LRRTM4: variants seen among roughly 807,000 people sequenced by gnomAD.
LRRTM4 encodes the protein leucine-rich repeat transmembrane neuronal protein 4.
Under a neutral mutation model 47.6 loss-of-function variants are expected in LRRTM4, and 25 were observed. The ratio of observed to expected loss-of-function variants is 0.53; its 90% confidence interval spans 0.38 to 0.73. The LOEUF is 0.73. Among genes scored for constraint, LRRTM4 ranks in the 30% least tolerant of loss-of-function variants. The probability of loss-of-function intolerance (pLI) is 0.00; values close to 1 mark genes in which losing one functional copy is unlikely to be tolerated. For missense variants in LRRTM4, 638 were observed against 713.4 expected, an observed-to-expected ratio of 0.89 and a Z score of 1.20; for synonymous variants, 311 against 269.5, an observed-to-expected ratio of 1.15 and a Z score of -1.51.
Position 76,748,595 on chromosome 2 carries a change from G to A in LRRTM4, c.*100C>T. ...CCATAAATGTTTTAACAGGAACGATGAGCTTGCTCGATTGCGCGATTGTGG... is the reference window on the plus strand; with the variant it reads ...CCATAAATGTTTTAACAGGAACGATAAGCTTGCTCGATTGCGCGATTGTGG... On this transcript the variant is annotated 3_prime_UTR_variant, in exon 4 of 4. Coordinates refer to ENST00000409884, the MANE Select transcript of LRRTM4 (RefSeq NM_001134745.3). The A allele has an allele frequency of 1.1e-6, 1 of 926,140 alleles. No individual in the cohort carries two copies. The highest frequency in any genetic ancestry group is 1.7e-6 in the Non-Finnish European group (1 of 596,702). 57.4% of individuals were successfully genotyped at this position (926,140 alleles called of 1,614,324 possible).
chr2:77,478,319 C>G (rs967523013), intron 3 of LRRTM4, among the ~76,000 whole-genome samples: 6 of 152,124 alleles, frequency 3.9e-5, no homozygotes, highest in Non-Finnish European at 8.8e-5. Flanking sequence ...TAATTTATCC[C>G]TACACCTAAG....
chr2:77,276,651 A>T (rs1317774242), intron 3 of LRRTM4, among the ~76,000 whole-genome samples: 1 of 139,976 alleles, frequency 7.1e-6, no homozygotes, highest in Non-Finnish European at 1.5e-5. Context: ...TCAATAGAAG[A>T]TCAGTAAATG....
intron 3 of LRRTM4, among the ~76,000 whole-genome samples, chr2:76,912,682 G>T (rs1172747834): frequency 6.6e-6 from 1 of 152,156 alleles, no homozygotes; most frequent in Non-Finnish European, 1.5e-5. Flanking sequence ...TGGAGGTGTT[G>T]ACCGGTGGGA....
At chr2:77,316,609 G>A (rs937036389) in intron 3 of LRRTM4, among the ~76,000 whole-genome samples, 4 of 151,070 alleles carry the variant, frequency 2.6e-5, no homozygotes, top group Admixed American at 6.6e-5. Flanking sequence ...AGTGCAGTGC[G>A]TATCCCCAGC....
intron 3 of LRRTM4, among the ~76,000 whole-genome samples, chr2:77,003,769 T>C (rs968725633): frequency 6.6e-6 from 1 of 151,980 alleles, no homozygotes; most frequent in Non-Finnish European, 1.5e-5. Flanking sequence ...ACTTTGGAAC[T>C]GGGCAACAGG....
At chr2:76,933,171 C>T (rs1453491984) in intron 3 of LRRTM4, among the ~76,000 whole-genome samples, 1 of 151,908 alleles carries the variant, frequency 6.6e-6, no homozygotes, top group Non-Finnish European at 1.5e-5. Flanking sequence ...ATGTGAAATG[C>T]CATCAATTCC....
chr2:77,481,557 C>A (rs1051013619), intron 3 of LRRTM4, among the ~76,000 whole-genome samples: 2 of 152,092 alleles, frequency 1.3e-5, no homozygotes, highest in African/African-American at 4.8e-5. Flanking sequence ...GTCTGATCAT[C>A]CTTTACAAAA....
chr2:77,189,742 A>T (rs1471389183), intron 3 of LRRTM4, among the ~76,000 whole-genome samples: 1 of 151,092 alleles, frequency 6.6e-6, no homozygotes, highest in African/African-American at 2.5e-5. Context: ...TTTATACTTT[A>T]TATATACTTT....
At chr2:76,883,334 G>T (rs954991449) in intron 3 of LRRTM4, among the ~76,000 whole-genome samples, 1 of 152,144 alleles carries the variant, frequency 6.6e-6, no homozygotes, top group Non-Finnish European at 1.5e-5. Context: ...GTAACAATAT[G>T]CTTAACACAT....
At chr2:77,023,079 C>T (rs918912861) in intron 3 of LRRTM4, among the ~76,000 whole-genome samples, 6 of 152,254 alleles carry the variant, frequency 3.9e-5, no homozygotes, top group African/African-American at 1.2e-4. Context: ...GGTTCCCTAA[C>T]CCCAATTCTT....
chr2:77,381,603 C>T (rs1673054004), intron 3 of LRRTM4, among the ~76,000 whole-genome samples: 1 of 151,908 alleles, frequency 6.6e-6, no homozygotes, highest in African/African-American at 2.4e-5. Context: ...CATTTATCTT[C>T]ATATGATGAA....
At chr2:77,028,463 G>A (rs758996943) in intron 3 of LRRTM4, among the ~76,000 whole-genome samples, 1 of 152,066 alleles carries the variant, frequency 6.6e-6, no homozygotes, top group Non-Finnish European at 1.5e-5. Flanking sequence ...TATAAAAAGG[G>A]ACTATTCATG....
At chr2:76,919,185 G>A (rs1674352069) in intron 3 of LRRTM4, among the ~76,000 whole-genome samples, 1 of 152,020 alleles carries the variant, frequency 6.6e-6, no homozygotes, top group African/African-American at 2.4e-5. Context: ...TTGGTGGGGG[G>A]AGGTTGGCAG....
chr2:77,423,183 T>C (rs1000962523), intron 3 of LRRTM4, among the ~76,000 whole-genome samples: 2 of 152,180 alleles, frequency 1.3e-5, no homozygotes, highest in African/African-American at 4.8e-5. Flanking sequence ...TTACTTTTCA[T>C]CGCCTACTTA....
intron 3 of LRRTM4, among the ~76,000 whole-genome samples, chr2:76,784,770 T>C (rs939904186): frequency 1.3e-4 from 20 of 151,368 alleles, no homozygotes; most frequent in African/African-American, 4.6e-4. Flanking sequence ...GTTGTCAAGA[T>C]TGAATTCTTT....
chr2:77,468,806 C>T (rs2103987984), intron 3 of LRRTM4, among the ~76,000 whole-genome samples: 1 of 152,340 alleles, frequency 6.6e-6, no homozygotes, highest in East Asian at 1.9e-4. Context: ...CTACACAGGC[C>T]ATATCCCTAA....
In LRRTM4 at chr2:76,991,000, T is replaced by C. The variant is rs114015464; in HGVS notation, c.1552-242084A>G. ...GAAATCAATAACAAGAAGATCTCTG[T>C]AAACCACACAGTTACATGAAATTAA... On this transcript the variant is annotated intron_variant, in intron 3 of 3. Coordinates refer to ENST00000409884, the MANE Select transcript of LRRTM4 (RefSeq NM_001134745.3). Among the ~76,000 whole-genome samples the C allele has an allele frequency of 3.6e-3, 547 of 151,746 alleles. 5 individuals are homozygous for C. Among genetic ancestry groups the C allele is most frequent in the African/African-American group, 0.013 (523 of 41,484 alleles).
chr2:77,135,821 A>G (rs1402675943), intron 3 of LRRTM4, among the ~76,000 whole-genome samples: 2 of 152,178 alleles, frequency 1.3e-5, no homozygotes, highest in Non-Finnish European at 2.9e-5. Context: ...ACAAGGAAAT[A>G]TATAGCAATT....
At chr2:76,795,038 T>G (rs752203953) in intron 3 of LRRTM4, among the ~76,000 whole-genome samples, 2 of 151,760 alleles carry the variant, frequency 1.3e-5, no homozygotes, top group Non-Finnish European at 3.0e-5. Flanking sequence ...ATAAAGATAC[T>G]TCTGTATGGC....
Sources: gnomAD v4.1 joint callset for allele counts (sites outside exome capture counted in the v4.1 genomes callset) on GRCh38, gnomAD v4.1.1 for gene constraint, MANE v1.5 for transcripts, NCBI Gene and HGNC (gene_info 2026-07-23, HGNC 2026-07-21) for gene names.